The following PFKP variants were observed in gnomAD, a reference collection of about 807,000 sequenced individuals.
PFKP encodes phosphofructokinase, platelet, also known as ATP-dependent 6-phosphofructokinase, platelet type.
A neutral mutation model predicts 94.3 loss-of-function variants in PFKP; 101 were observed. The ratio of observed to expected loss-of-function variants is 1.07; its 90% CI spans 0.91 to 1.26. PFKP has a LOEUF of 1.26. PFKP is among the 50% of genes most tolerant of loss of function. The pLI, the probability that PFKP is intolerant of heterozygous loss-of-function variation, is 0.00. For synonymous variants in PFKP, 573 were observed against 432.6 expected, an observed-to-expected ratio of 1.32 and a Z score of -4.03; for missense variants, 1,145 against 1,103.3, an observed-to-expected ratio of 1.04 and a Z score of -0.53.
intron 8 of PFKP, chr10:3,108,068 C>T: frequency 8.3e-7 from 1 of 1,211,788 alleles, no homozygotes; most frequent in Non-Finnish European, 1.1e-6. Flanking sequence ...GGAAAGACAT[C>T]TGCCAATATT....
chr10:3,071,530 T>G (rs1381116327), intron 1 of PFKP, among the ~76,000 whole-genome samples: 1 of 149,972 alleles, frequency 6.7e-6, no homozygotes, highest in East Asian at 2.0e-4. Context: ...TCACTCAATC[T>G]GAAATAAGCT....
rs1309348745 is a variant in PFKP, at chr10:3,096,095, C to A, written c.187-3180C>A. On this transcript the variant is annotated intron_variant, in intron 2 of 21. Coordinates refer to ENST00000381125, the MANE Select transcript of PFKP (RefSeq NM_002627.5). ...CTCCAGAAGCAAGAGGATTCGTTAACATGTTTGATTAAATCCGTATTTAAA... is the reference window on the plus strand; with the variant it reads ...CTCCAGAAGCAAGAGGATTCGTTAAAATGTTTGATTAAATCCGTATTTAAA... Among the ~76,000 whole-genome samples, 4 of 152,198 alleles carry A rather than the reference C, an allele frequency of 2.6e-5. 1 individual carries two copies. In the South Asian group the frequency reaches 8.3e-4, roughly 32 times the overall value.
intron 2 of PFKP, among the ~76,000 whole-genome samples, chr10:3,086,135 G>T (rs1018560508): frequency 6.6e-6 from 1 of 152,052 alleles, no homozygotes; most frequent in African/African-American, 2.4e-5. Flanking sequence ...GTTATAATTC[G>T]CAAAATGTTT....
chr10:3,132,200 C>G (rs182148556), intron 17 of PFKP, among the ~76,000 whole-genome samples, 180 bp from the exon 18 acceptor site: 3 of 152,210 alleles, frequency 2.0e-5, no homozygotes, highest in Non-Finnish European at 4.4e-5. Flanking sequence ...GCGTTCATCG[C>G]TGCAGACGTG....
intron 16 of PFKP, among the ~76,000 whole-genome samples, chr10:3,123,800 G>A (rs1010152135): frequency 6.6e-6 from 1 of 152,258 alleles, no homozygotes; most frequent in African/African-American, 2.4e-5. Context: ...CTGGCATTTG[G>A]ATTGAAGTCC....
chr10:3,134,832 G>A (rs1280312622), intron 20 of PFKP, among the ~76,000 whole-genome samples: 1 of 152,182 alleles, frequency 6.6e-6, no homozygotes, highest in Non-Finnish European at 1.5e-5. Flanking sequence ...GTTCTTTTGT[G>A]CAGGCTTTTT....
chr10:3,116,335 C>T (rs1167963263), intron 13 of PFKP, among the ~76,000 whole-genome samples: 4 of 152,206 alleles, frequency 2.6e-5, no homozygotes, highest in Non-Finnish European at 4.4e-5. Flanking sequence ...GCAGTCCTGC[C>T]GTCCTCGCAG....
rs1034890937 is a variant in PFKP, at chr10:3,116,792, G to A, written c.1388G>A (p.Trp463Ter). Reference sequence around the variant, plus strand: ...GCACATTAGATCAAAGAAATCGGCTGGACAGATGTCGGGGGCTGGACCGGC... The same window carrying A: ...GCACATTAGATCAAAGAAATCGGCTAGACAGATGTCGGGGGCTGGACCGGC... ...FAKGQIKEIG[W>*]TDVGGWTGQG... Residue 463 changes from tryptophan (W) to a stop codon, truncating the protein, a stop_gained, in exon 14 of 22, where the codon TGG becomes TAG. Coordinates refer to ENST00000381125, the MANE Select transcript of PFKP (RefSeq NM_002627.5). LOFTEE classifies it high-confidence loss of function. The A allele has an allele frequency of 2.5e-6, 4 of 1,613,674 alleles. No individual in the cohort carries two copies. The highest frequency in any genetic ancestry group is 1.1e-5 in the South Asian group (1 of 91,068).
At chr10:3,072,979 T>C (rs1327801501) in intron 1 of PFKP, among the ~76,000 whole-genome samples, 1 of 151,932 alleles carries the variant, frequency 6.6e-6, no homozygotes, top group African/African-American at 2.4e-5. Flanking sequence ...GGTGTTGTGT[T>C]TTTGTTTATT....
intron 1 of PFKP, among the ~76,000 whole-genome samples, chr10:3,079,034 G>A (rs1388910480): frequency 6.6e-6 from 1 of 152,172 alleles, no homozygotes; most frequent in Non-Finnish European, 1.5e-5. Context: ...AAACCCGGGG[G>A]CAGCCCAGCT....
At chr10:3,083,177 A>T (rs1833222148) in intron 2 of PFKP, among the ~76,000 whole-genome samples, 1 of 152,238 alleles carries the variant, frequency 6.6e-6, no homozygotes, top group South Asian at 2.1e-4. Context: ...TTGAATACAC[A>T]TTTAGGGAAA....
chr10:3,073,464 G>T (rs538154819), intron 1 of PFKP, among the ~76,000 whole-genome samples: 1 of 144,434 alleles, frequency 6.9e-6, no homozygotes, highest in South Asian at 2.3e-4. Context: ...TGACTGTGTG[G>T]GTCTGAGTGA....
In PFKP at chr10:3,119,933, G is replaced by T. The variant is rs1837232604; in HGVS notation, c.1572G>T (p.Lys524Asn). The T allele has an allele frequency of 1.2e-6, 2 of 1,614,154 alleles. No individual in the cohort carries two copies. The highest frequency in any genetic ancestry group is 2.2e-5 in the East Asian group (1 of 44,862). The change falls in exon 16 of 22, where the codon AAG (lysine) becomes AAT (asparagine). Residue 524 changes from lysine to asparagine, a missense_variant. Lys to Asn is a moderately conservative substitution (Grantham distance 94). Transcript: ENST00000381125. ...GLLELSAARE[K>N]HEEFCVPMVM... ...TGGAGCTGTCAGCCGCCCGGGAGAA[G>T]CACGAGGAGTTCTGTGTCCCCATGG... is the stretch of plus-strand genomic sequence containing the variant.
In PFKP at chr10:3,125,107, G is replaced by A. The variant is rs760430396; in HGVS notation, c.1684-4712G>A. 2.3e-6 allele frequency: 3 copies of A among 1,310,510 alleles called. No individual in the cohort carries two copies. In the African/African-American group the frequency reaches 4.6e-5, roughly 20 times the overall value. The allele number at this position is 1,310,510 out of a possible 1,614,324, so 81.2% of individuals were successfully genotyped here. ...GCCCTGCTGCTTCAGGCTTACAAGA[G>A]TGCGTGCGACATGGCCGAGGCACGA... On this transcript the variant is annotated intron_variant, in intron 16 of 21. Transcript: ENST00000381125.
At chr10:3,113,560 T>C (rs912311182) in intron 13 of PFKP, 42 bp downstream of exon 13, 5 of 1,593,086 alleles carry the variant, frequency 3.1e-6, no homozygotes, top group Non-Finnish European at 4.3e-6. Flanking sequence ...ACACCCTGGC[T>C]GTGAGCACAG....
intron 1 of PFKP, among the ~76,000 whole-genome samples, chr10:3,080,176 T>C (rs1173438444): frequency 6.6e-6 from 1 of 152,138 alleles, no homozygotes; most frequent in Non-Finnish European, 1.5e-5. Flanking sequence ...TTGGGTTTTC[T>C]TCCAGTAGCC....
intron 10 of PFKP, among the ~76,000 whole-genome samples, chr10:3,111,682 T>C (rs992035101): frequency 6.6e-6 from 1 of 152,108 alleles, no homozygotes; most frequent in African/African-American, 2.4e-5. Context: ...GAGAAAGAAC[T>C]TGACCAAGAT....
At chr10:3,120,287 C>T (rs77985140) in intron 16 of PFKP, among the ~76,000 whole-genome samples, 3,578 of 152,192 alleles carry the variant, frequency 0.024, 124 homozygotes, top group Admixed American at 0.079. Flanking sequence ...GTGGCCGAGA[C>T]TCCAGGGGTG....
intron 2 of PFKP, among the ~76,000 whole-genome samples, chr10:3,090,617 G>T (rs965866060): frequency 1.3e-5 from 2 of 151,880 alleles, no homozygotes; most frequent in South Asian, 4.2e-4. Context: ...GAGTGTCAGG[G>T]CGATGGCATC....
Sources: gnomAD v4.1 joint callset for allele counts (sites outside exome capture counted in the v4.1 genomes callset) on GRCh38, gnomAD v4.1.1 for gene constraint, MANE v1.5 for transcripts, NCBI Gene and HGNC (gene_info 2026-07-23, HGNC 2026-07-21) for gene names.